PLCB1: variants seen among roughly 807,000 people sequenced by gnomAD.
PLCB1 encodes the protein phospholipase C beta 1.
Under a neutral mutation model 161.8 loss-of-function variants are expected in PLCB1, and 46 were observed. That is an observed-to-expected ratio of 0.28 (90% CI 0.22 to 0.36). The LOEUF (loss-of-function observed/expected upper bound fraction) is 0.36, where lower values mean the gene tolerates loss of function less well. Ranked by LOEUF, PLCB1 falls within the 10% of genes least tolerant of loss-of-function variation. The probability of loss-of-function intolerance (pLI) is 1.00; values close to 1 mark genes in which losing one functional copy is unlikely to be tolerated. For synonymous variants in PLCB1, 517 were observed against 503.7 expected (o/e 1.03, Z -0.35); for missense variants, 1,016 against 1,472.5 (o/e 0.69, Z 5.07).
Position 8,147,249 on chromosome 20 carries a change from T to C in PLCB1, c.100-3045T>C, listed in dbSNP as rs2051462505. ...GAAAGAGCCCAGCAATCTGTGTTTT[T>C]ACAAGATCTCTCAGTGAACTTGATG... On this transcript the variant is annotated intron_variant, in intron 1 of 31. Transcript: ENST00000338037. Among the ~76,000 whole-genome samples, 7 of 152,202 alleles carry C rather than the reference T, an allele frequency of 4.6e-5. 1 individual carries two copies. Among genetic ancestry groups the C allele is most frequent in the Admixed American group, 4.6e-4 (7 of 15,276 alleles).
chr20:8,802,040 C>CT, intron 31 of PLCB1: 3 of 1,461,354 alleles, frequency 2.1e-6, no homozygotes, highest in Non-Finnish European at 2.9e-6. Flanking sequence ...GACAGCCTCC[C>CT]TTTTTTTCCA....
At chr20:8,443,393 G>A (rs1463998106) in intron 3 of PLCB1, among the ~76,000 whole-genome samples, 5 of 152,172 alleles carry the variant, frequency 3.3e-5, no homozygotes, top group African/African-American at 1.2e-4. Context: ...CCTGTAGGGT[G>A]AGGCCCTGCT....
At chr20:8,476,582 C>T (rs1982291683) in intron 3 of PLCB1, among the ~76,000 whole-genome samples, 1 of 152,134 alleles carries the variant, frequency 6.6e-6, no homozygotes, top group Admixed American at 6.5e-5. Flanking sequence ...TGAAAACATG[C>T]AAGAGAATTT....
chr20:8,189,562 G>A (rs1244586782), intron 2 of PLCB1, among the ~76,000 whole-genome samples: 2 of 151,878 alleles, frequency 1.3e-5, no homozygotes, highest in South Asian at 2.1e-4. Flanking sequence ...TGTAGGCGGC[G>A]ACACTTTTAT....
intron 2 of PLCB1, among the ~76,000 whole-genome samples, chr20:8,336,617 C>T (rs543936973): frequency 9.9e-5 from 15 of 152,080 alleles, no homozygotes; most frequent in East Asian, 5.8e-4. Flanking sequence ...ACCAGGTGAT[C>T]GTAGTCCTAG....
At chr20:8,213,054 C>T (rs778022382) in intron 2 of PLCB1, among the ~76,000 whole-genome samples, 1 of 152,098 alleles carries the variant, frequency 6.6e-6, no homozygotes, top group African/African-American at 2.4e-5. Flanking sequence ...AGATTGCACA[C>T]CATGTTTCCT....
At chr20:8,372,685 T>C (rs1244441797) in intron 3 of PLCB1, among the ~76,000 whole-genome samples, 3 of 152,186 alleles carry the variant, frequency 2.0e-5, no homozygotes, top group Non-Finnish European at 4.4e-5. Context: ...TTGTTGATGA[T>C]TCAAAATTGC....
At chr20:8,792,380 C>T (rs1983801005) in intron 31 of PLCB1, among the ~76,000 whole-genome samples, 1 of 152,140 alleles carries the variant, frequency 6.6e-6, no homozygotes, top group Non-Finnish European at 1.5e-5. Flanking sequence ...GTTCCATGGT[C>T]ATCAGGTACC....
chr20:8,221,767 G>T (rs972466022), intron 2 of PLCB1, among the ~76,000 whole-genome samples: 1 of 151,996 alleles, frequency 6.6e-6, no homozygotes, highest in Admixed American at 6.6e-5. Flanking sequence ...GAAGTTCAAG[G>T]TCAAAGCTAA....
intron 31 of PLCB1, among the ~76,000 whole-genome samples, chr20:8,877,140 A>C (rs1156326564): frequency 1.3e-5 from 2 of 152,200 alleles, no homozygotes; most frequent in Non-Finnish European, 2.9e-5. Context: ...CACATATTAG[A>C]GTACAAAACC....
intron 9 of PLCB1, among the ~76,000 whole-genome samples, chr20:8,665,290 A>G (rs982433888): frequency 6.6e-6 from 1 of 152,258 alleles, no homozygotes; most frequent in Non-Finnish European, 1.5e-5. Context: ...GAAGAATTAA[A>G]TAAGATGCTT....
At chr20:8,797,163 T>C (rs991711352) in intron 31 of PLCB1, among the ~76,000 whole-genome samples, 1 of 152,238 alleles carries the variant, frequency 6.6e-6, no homozygotes, top group Non-Finnish European at 1.5e-5. Context: ...CTCTAGCATC[T>C]ATTGCTGTTC....
chr20:8,769,444 A>T (rs1982554932), intron 26 of PLCB1, among the ~76,000 whole-genome samples: 1 of 152,080 alleles, frequency 6.6e-6, no homozygotes. Flanking sequence ...TTTAAGTTTA[A>T]ATTATTGCTC....
In PLCB1 at chr20:8,449,435, T is replaced by C. The variant is rs75905273; in HGVS notation, c.246+77985T>C. Among the ~76,000 whole-genome samples the C allele has an allele frequency of 5.2e-3, 797 of 152,310 alleles. 25 individuals carry two copies. In the East Asian group the frequency reaches 0.067, roughly 13 times the overall value. ...TGCCTATCGCTAGTGTCCCGCTTCC[T>C]TCAAGTGCATGTGGGAAAGAAGGAG... On this transcript the variant is annotated intron_variant, in intron 3 of 31. Transcript: ENST00000338037.
chr20:8,785,339 T>TA, intron 27 of PLCB1, among the ~76,000 whole-genome samples: 1 of 152,288 alleles, frequency 6.6e-6, no homozygotes, highest in Non-Finnish European at 1.5e-5. Flanking sequence ...CCCGAGAACT[T>TA]ACATTTCTAA....
chr20:8,171,419 G>T (rs543528528), intron 2 of PLCB1, among the ~76,000 whole-genome samples: 2 of 152,050 alleles, frequency 1.3e-5, no homozygotes, highest in South Asian at 4.2e-4. Context: ...TGTTGTTGTT[G>T]TATGGGAGAG....
intron 3 of PLCB1, chr20:8,625,257 A>C (rs1392499423): frequency 1.3e-5 from 2 of 152,192 alleles, no homozygotes; most frequent in Non-Finnish European, 1.5e-5. Flanking sequence ...CCGTCCAGAC[A>C]ATCCCCTCTT....
chr20:8,186,595 A>G (rs2051908987), intron 2 of PLCB1, among the ~76,000 whole-genome samples: 1 of 152,178 alleles, frequency 6.6e-6, no homozygotes, highest in Non-Finnish European at 1.5e-5. Context: ...CAGCATCATG[A>G]CTGAAACAAT....
intron 3 of PLCB1, among the ~76,000 whole-genome samples, chr20:8,449,264 GA>G (rs772391037): frequency 2.6e-5 from 4 of 152,162 alleles, no homozygotes; most frequent in Non-Finnish European, 5.9e-5. Context: ...GAGGATTGTA[GA>G]TATTCTGAAG....
Sources: gnomAD v4.1 joint callset for allele counts (sites outside exome capture counted in the v4.1 genomes callset) on GRCh38, gnomAD v4.1.1 for gene constraint, MANE v1.5 for transcripts, NCBI Gene and HGNC (gene_info 2026-07-23, HGNC 2026-07-21) for gene names.